Variants in CREB1 observed in about 807,000 individuals in gnomAD.
The protein encoded by CREB1 is cAMP responsive element binding protein 1.
In CREB1, 2 loss-of-function variants were observed where a neutral mutation model predicts 42.0. The observed-to-expected ratio is 0.05, with a 90% confidence interval of 0.02 to 0.15. CREB1 has a LOEUF of 0.15. Ranked by LOEUF, CREB1 falls within the 10% of genes least tolerant of loss-of-function variation. CREB1 has a pLI of 1.00. For synonymous variants in CREB1, 123 were observed against 139.9 expected, an observed-to-expected ratio of 0.88 and a Z score of 0.85; for missense variants, 199 against 388.9, an observed-to-expected ratio of 0.51 and a Z score of 4.11.
chr2:207,567,432 T>C (rs2082182815), intron 3 of CREB1, 31 bp from the exon 4 acceptor site: 8 of 1,487,800 alleles, frequency 5.4e-6, no homozygotes, highest in Non-Finnish European at 6.5e-6. Flanking sequence ...CTAAATTTGA[T>C]TATCAATATG....
At chr2:207,585,544 A>C (rs1208501671) in intron 7 of CREB1, among the ~76,000 whole-genome samples, 1 of 152,228 alleles carries the variant, frequency 6.6e-6, no homozygotes, top group Non-Finnish European at 1.5e-5. Context: ...CGATACCTCC[A>C]AAGGAACACA....
At chr2:207,591,535 T>G (rs949878175) in intron 7 of CREB1, among the ~76,000 whole-genome samples, 1 of 152,148 alleles carries the variant, frequency 6.6e-6, no homozygotes, top group Non-Finnish European at 1.5e-5. Flanking sequence ...CTGATTCAAG[T>G]GATTCTCGTG....
At position 207,555,560 on chromosome 2, in the gene CREB1, A is replaced by G. The variant is rs75549522; in HGVS notation, c.-8-68A>G. 1.6e-3 allele frequency: 1,486 copies of G among 918,156 alleles called. 15 individuals carry two copies. In the African/African-American group the frequency reaches 0.021, roughly 13 times the overall value. 56.9% of individuals were successfully genotyped at this position (918,156 alleles called of 1,614,324 possible). A position where few individuals can be genotyped will look rare whatever the true frequency, so the allele number is the denominator to read the frequency against. ...CATATATACCTATTTATAACTTGAA[A>G]TTTGCCTTTAAAGTCACGAAAGCAC... is the stretch of plus-strand genomic sequence containing the variant. On this transcript the variant is annotated intron_variant, in intron 1 of 7. Coordinates refer to ENST00000353267, the MANE Select transcript of CREB1 (RefSeq NM_004379.5).
chr2:207,575,174 C>G, intron 5 of CREB1, 98 bp from the exon 6 acceptor site: 1 of 1,267,088 alleles, frequency 7.9e-7, no homozygotes, highest in South Asian at 1.6e-5. Flanking sequence ...GCTGTAACTT[C>G]TCCTAGATTA....
Position 207,602,654 on chromosome 2 carries a change from G to A in CREB1, c.*5596G>A, listed in dbSNP as rs1046865873. The A allele has an allele frequency of 4.7e-6, 1 of 211,176 alleles. No individual in the cohort carries two copies. The highest frequency in any genetic ancestry group is 9.6e-6 in the Non-Finnish European group (1 of 104,160). 13.1% of individuals were successfully genotyped at this position (211,176 alleles called of 1,614,324 possible). On this transcript the variant is annotated 3_prime_UTR_variant, in exon 8 of 8. Coordinates refer to ENST00000353267, the MANE Select transcript of CREB1 (RefSeq NM_004379.5). ...TGAAATGATCTATCATTGTGTTTGGGAGGTTTTATTTTCTTATGTTTTTAA... is the reference window on the plus strand; with the variant it reads ...TGAAATGATCTATCATTGTGTTTGGAAGGTTTTATTTTCTTATGTTTTTAA...
chr2:207,566,718 T>C (rs1477704508), intron 3 of CREB1, among the ~76,000 whole-genome samples: 3 of 152,166 alleles, frequency 2.0e-5, no homozygotes, highest in Non-Finnish European at 4.4e-5. Flanking sequence ...TATAATAGTA[T>C]AGTACCCATC....
At chr2:207,570,905 G>C (rs977911498) in intron 5 of CREB1, among the ~76,000 whole-genome samples, 5 of 151,346 alleles carry the variant, frequency 3.3e-5, no homozygotes, top group African/African-American at 4.9e-5. Context: ...TGATGTCTCT[G>C]TCTGGCACTT....
chr2:207,566,764 G>A (rs1342245984), intron 3 of CREB1, among the ~76,000 whole-genome samples: 1 of 152,146 alleles, frequency 6.6e-6, no homozygotes, highest in Non-Finnish European at 1.5e-5. Flanking sequence ...AAGTAATGTA[G>A]TATATGTAAA....
chr2:207,574,808 A>G (rs2082510773), intron 5 of CREB1, among the ~76,000 whole-genome samples: 1 of 152,216 alleles, frequency 6.6e-6, no homozygotes, highest in Non-Finnish European at 1.5e-5. Context: ...TATTAGTTAT[A>G]TGTTAAAACA....
At chr2:207,563,804 CGTG>C (rs1363403108) in intron 3 of CREB1, among the ~76,000 whole-genome samples, 2 of 152,014 alleles carry the variant, frequency 1.3e-5, no homozygotes, top group Non-Finnish European at 2.9e-5. Context: ...ATTAGCCAGG[CGTG>C]GTGGTAGGCA....
intron 1 of CREB1, among the ~76,000 whole-genome samples, chr2:207,551,314 C>G (rs1317979636): frequency 1.3e-5 from 2 of 152,122 alleles, no homozygotes; most frequent in African/African-American, 4.8e-5. Context: ...AGTGTTACAG[C>G]CCTTTACTAT....
intron 2 of CREB1, among the ~76,000 whole-genome samples, chr2:207,558,497 C>A (rs539842087): frequency 1.8e-4 from 27 of 152,270 alleles, no homozygotes; most frequent in African/African-American, 6.3e-4. Context: ...AAAATCACTT[C>A]CCTCGTTCCC....
At chr2:207,566,428 T>C (rs564830529) in intron 3 of CREB1, among the ~76,000 whole-genome samples, 2 of 152,306 alleles carry the variant, frequency 1.3e-5, no homozygotes, top group African/African-American at 4.8e-5. Context: ...ACGTTTCTGC[T>C]GATTAGAGAA....
chr2:207,590,082 AGTT>A (rs2084686255), intron 7 of CREB1, among the ~76,000 whole-genome samples: 1 of 95,562 alleles, frequency 1.0e-5, no homozygotes. Flanking sequence ...TATTTTGAGA[AGTT>A]TTTTTTTTTT....
At chr2:207,558,137 A>G (rs1310304138) in intron 2 of CREB1, among the ~76,000 whole-genome samples, 1 of 152,208 alleles carries the variant, frequency 6.6e-6, no homozygotes, top group Non-Finnish European at 1.5e-5. Context: ...AGAGAAAGTG[A>G]TTAATAAGTA....
At chr2:207,582,261 TTCTTTTC>T (rs2083064550) in intron 7 of CREB1, 4 of 666,404 alleles carry the variant, frequency 6.0e-6, no homozygotes, top group East Asian at 2.7e-5. Context: ...TGCAGATATA[TTCTTTTC>T]TCTTTAAAGT....
At position 207,542,517 on chromosome 2, in the gene CREB1, G is replaced by A. The variant is rs575183067; in HGVS notation, c.-9+12383G>A. Among the ~76,000 whole-genome samples the A allele has an allele frequency of 9.2e-5, 14 of 151,960 alleles. No homozygotes were observed. The South Asian group carries it at 1.2e-3, about 14-fold the overall frequency. ...AGATCTTTTGCACATTTTAAAATTC[G>A]GTTGGCTTTTTGTTGTAATAGTTGT... On this transcript the variant is annotated intron_variant, in intron 1 of 7. Transcript: ENST00000353267.
chr2:207,559,260 GTAA>G (rs2081861426), intron 2 of CREB1: 2 of 969,148 alleles, frequency 2.1e-6, no homozygotes, highest in East Asian at 1.1e-4. Flanking sequence ...TTCCCTGTAA[GTAA>G]TAATAACAAG....
chr2:207,582,344 C>G (rs1056827222), intron 7 of CREB1, among the ~76,000 whole-genome samples: 1 of 152,156 alleles, frequency 6.6e-6, no homozygotes, highest in African/African-American at 2.4e-5. Context: ...ATTTGCTATT[C>G]TAATGGGAAT....
Sources: gnomAD v4.1 joint callset for allele counts (sites outside exome capture counted in the v4.1 genomes callset) on GRCh38, gnomAD v4.1.1 for gene constraint, MANE v1.5 for transcripts, NCBI Gene and HGNC (gene_info 2026-07-23, HGNC 2026-07-21) for gene names.